Variants in SRPK1 observed in about 807,000 individuals in gnomAD.
The protein encoded by SRPK1 is SRSF protein kinase 1, also known as SFRS protein kinase 1.
In SRPK1, 52 loss-of-function variants were observed where a neutral mutation model predicts 89.5. The ratio of observed to expected loss-of-function variants is 0.58; its 90% CI spans 0.46 to 0.73. The LOEUF (loss-of-function observed/expected upper bound fraction) is 0.73. Ranked by LOEUF, SRPK1 falls within the 30% of genes least tolerant of loss-of-function variation. The pLI is 0.00. For synonymous variants in SRPK1, 255 were observed against 270.2 expected, an observed-to-expected ratio of 0.94 and a Z score of 0.55; for missense variants, 603 against 780.6, an observed-to-expected ratio of 0.77 and a Z score of 2.71.
intron 6 of SRPK1, among the ~76,000 whole-genome samples, chr6:35,876,067 T>TA: frequency 1.0e-5 from 1 of 100,240 alleles, no homozygotes; most frequent in South Asian, 3.1e-4. Context: ...ATAAAACAAC[T>TA]AGCCTGGATT....
chr6:35,871,506 C>T (rs1770034906), intron 8 of SRPK1, among the ~76,000 whole-genome samples: 1 of 152,164 alleles, frequency 6.6e-6, no homozygotes, highest in African/African-American at 2.4e-5. Flanking sequence ...GTGGTTTTAA[C>T]ACTATTCACA....
chr6:35,899,263 T>C (rs759384502), intron 2 of SRPK1, among the ~76,000 whole-genome samples: 6 of 152,214 alleles, frequency 3.9e-5, no homozygotes, highest in Non-Finnish European at 7.3e-5. Flanking sequence ...TTACGTGATC[T>C]GTCTCTTCAT....
At chr6:35,864,020 C>T (rs983736416) in intron 12 of SRPK1, among the ~76,000 whole-genome samples, 1 of 152,084 alleles carries the variant, frequency 6.6e-6, no homozygotes, top group Non-Finnish European at 1.5e-5. Context: ...CCCTATCTCT[C>T]GTAATACATA....
intron 12 of SRPK1, among the ~76,000 whole-genome samples, chr6:35,861,141 C>T (rs764157688): frequency 5.3e-5 from 8 of 152,156 alleles, no homozygotes; most frequent in South Asian, 2.1e-4. Flanking sequence ...ACATTTTGAA[C>T]AGATTGTCCA....
intron 13 of SRPK1, among the ~76,000 whole-genome samples, chr6:35,853,567 C>G (rs1769602431): frequency 6.6e-6 from 1 of 152,104 alleles, no homozygotes; most frequent in Non-Finnish European, 1.5e-5. Flanking sequence ...TAGTAATTGG[C>G]CAACTTCTGG....
At chr6:35,902,633 T>C (rs567799110) in intron 2 of SRPK1, among the ~76,000 whole-genome samples, 2 of 152,156 alleles carry the variant, frequency 1.3e-5, no homozygotes, top group Non-Finnish European at 2.9e-5. Context: ...CAAAAGAAAC[T>C]GTCCATGTTC....
At chr6:35,865,324 C>T (rs1582003707) in intron 12 of SRPK1, among the ~76,000 whole-genome samples, 1 of 151,750 alleles carries the variant, frequency 6.6e-6, no homozygotes, top group South Asian at 2.1e-4. Context: ...TACTATGTAC[C>T]CATTAAAAAT....
At position 35,882,269 on chromosome 6, in the gene SRPK1, A is replaced by AT. The variant is rs34445728; in HGVS notation, c.478+4454dup. ...ACTTGTGACTAAGAAACTGGTCACAATTTTTTTTTTTTTGGTATAATAATT... is the reference window on the plus strand; with the variant it reads ...ACTTGTGACTAAGAAACTGGTCACAATTTTTTTTTTTTTTGGTATAATAATT... On this transcript the variant is annotated intron_variant, in intron 6 of 15. Transcript: ENST00000373825. Among the ~76,000 whole-genome samples, 327 of 147,426 alleles carry AT rather than the reference A, an allele frequency of 2.2e-3. 1 individual carries two copies. The highest frequency in any genetic ancestry group is 5.8e-3 in the African/African-American group (232 of 40,288).
At chr6:35,876,764 A>G (rs1770164187) in intron 6 of SRPK1, among the ~76,000 whole-genome samples, 1 of 152,166 alleles carries the variant, frequency 6.6e-6, no homozygotes, top group African/African-American at 2.4e-5. Flanking sequence ...TACAAAAACA[A>G]CAGAAGACTC....
At chr6:35,889,267 AG>A (rs1336385884) in intron 3 of SRPK1, among the ~76,000 whole-genome samples, 1 of 152,096 alleles carries the variant, frequency 6.6e-6, no homozygotes, top group Non-Finnish European at 1.5e-5. Context: ...TTACAGTCTC[AG>A]GTGTTTTTTA....
At chr6:35,919,382 A>C (rs1771179353) in intron 2 of SRPK1, among the ~76,000 whole-genome samples, 2 of 152,076 alleles carry the variant, frequency 1.3e-5, no homozygotes, top group East Asian at 1.9e-4. Context: ...ACACCCCCCT[A>C]ATCTGGTATT....
chr6:35,869,041 T>G lies in SRPK1; in HGVS notation c.1481A>C (p.Lys494Thr). The G allele has an allele frequency of 6.2e-7, 1 of 1,614,050 alleles. No homozygotes were observed. Among genetic ancestry groups the G allele is most frequent in the Non-Finnish European group, 8.5e-7 (1 of 1,179,972 alleles). Residue 494 changes from lysine (K) to threonine (T), a missense_variant, in exon 12 of 16, where the codon AAG (lysine) becomes ACG (threonine). Transcript: ENST00000373825. Reference protein sequence around the residue: ...EPKNAEKLKVKIADLGNACWV... With the variant: ...EPKNAEKLKVTIADLGNACWV... ...ACAAGCATTTCCAAGGTCAGCAATCTTCACCTTGAGCTTTTCTGCATTTTT... is the reference window on the plus strand; with the variant it reads ...ACAAGCATTTCCAAGGTCAGCAATCGTCACCTTGAGCTTTTCTGCATTTTT...
intron 15 of SRPK1, among the ~76,000 whole-genome samples, chr6:35,836,205 T>C (rs960717077): frequency 1.3e-5 from 2 of 152,078 alleles, no homozygotes; most frequent in Non-Finnish European, 2.9e-5. Flanking sequence ...TGAACTGCAG[T>C]AGGGATCTAG....
chr6:35,846,375 A>G (rs1769426299), intron 13 of SRPK1, among the ~76,000 whole-genome samples: 1 of 151,928 alleles, frequency 6.6e-6, no homozygotes. Context: ...TGGATCACTC[A>G]TGCTCAGGAG....
chr6:35,889,306 CAA>C (rs34873494), intron 3 of SRPK1, among the ~76,000 whole-genome samples: 7 of 132,012 alleles, frequency 5.3e-5, no homozygotes, highest in African/African-American at 8.4e-5. Context: ...GTTTATTTAG[CAA>C]AAAAAAAAAA....
intron 2 of SRPK1, among the ~76,000 whole-genome samples, chr6:35,891,822 T>C (rs1770524847): frequency 6.6e-6 from 1 of 152,196 alleles, no homozygotes; most frequent in Non-Finnish European, 1.5e-5. Flanking sequence ...ATTTCCAATT[T>C]TTCACTACTA....
chr6:35,883,467 A>G (rs1770340073), intron 6 of SRPK1, among the ~76,000 whole-genome samples: 1 of 71,792 alleles, frequency 1.4e-5, no homozygotes, highest in Admixed American at 1.4e-4. Flanking sequence ...GATTACTTAA[A>G]AAGACTAAAC....
At chr6:35,866,317 G>A (rs905376285) in intron 12 of SRPK1, among the ~76,000 whole-genome samples, 7 of 152,152 alleles carry the variant, frequency 4.6e-5, no homozygotes, top group African/African-American at 7.2e-5. Flanking sequence ...CGGGCGCGGT[G>A]GCTCATGCCT....
At chr6:35,881,458 T>C (rs1770288145) in intron 6 of SRPK1, among the ~76,000 whole-genome samples, 4 of 151,736 alleles carry the variant, frequency 2.6e-5, no homozygotes, top group East Asian at 1.9e-4. Flanking sequence ...TAGATATAGA[T>C]ATAGATATAG....
Sources: allele counts gnomAD v4.1 joint callset (sites outside exome capture counted in the v4.1 genomes callset), GRCh38; gene constraint gnomAD v4.1.1; transcripts MANE v1.5; gene names NCBI Gene and HGNC (gene_info 2026-07-23, HGNC 2026-07-21).